Variants in SORCS1 observed in about 807,000 individuals in gnomAD.
The protein encoded by SORCS1 is VPS10 domain-containing receptor SorCS1.
A neutral mutation model predicts 146.1 loss-of-function variants in SORCS1; 60 were observed. The observed-to-expected ratio is 0.41, with a 90% confidence interval of 0.33 to 0.51. The LOEUF (loss-of-function observed/expected upper bound fraction) is 0.51, where lower values mean the gene tolerates loss of function less well. Among genes scored for constraint, SORCS1 ranks in the 20% least tolerant of loss-of-function variants. The pLI is 0.21. For synonymous variants in SORCS1, 637 were observed against 584.0 expected (o/e 1.09, Z -1.31); for missense variants, 1,352 against 1,487.6 (o/e 0.91, Z 1.50).
intron 1 of SORCS1, among the ~76,000 whole-genome samples, chr10:106,972,443 T>C (rs1955827205): frequency 6.6e-6 from 1 of 152,060 alleles, no homozygotes; most frequent in Non-Finnish European, 1.5e-5. Context: ...ATTGACTTTA[T>C]TTTTGATTTG....
intron 1 of SORCS1, among the ~76,000 whole-genome samples, chr10:107,027,926 C>A (rs1958479754): frequency 6.6e-6 from 1 of 152,200 alleles, no homozygotes; most frequent in South Asian, 2.1e-4. Flanking sequence ...ATTCACAGTT[C>A]TCTACCTGGT....
At chr10:106,690,342 G>T (rs571816664) in intron 9 of SORCS1, among the ~76,000 whole-genome samples, 1 of 152,318 alleles carries the variant, frequency 6.6e-6, no homozygotes, top group African/African-American at 2.4e-5. Flanking sequence ...AATGACAAAT[G>T]ACCATGTCTT....
intron 1 of SORCS1, among the ~76,000 whole-genome samples, chr10:106,976,855 T>C (rs1956047700): frequency 6.6e-6 from 1 of 152,186 alleles, no homozygotes; most frequent in South Asian, 2.1e-4. Context: ...TGTGTCCCTG[T>C]AAAGGACATG....
At chr10:107,057,800 G>C (rs1457185496) in intron 1 of SORCS1, among the ~76,000 whole-genome samples, 1 of 152,086 alleles carries the variant, frequency 6.6e-6, no homozygotes, top group Non-Finnish European at 1.5e-5. Context: ...ATATGTCCAC[G>C]GACCTTGTGT....
intron 1 of SORCS1, among the ~76,000 whole-genome samples, chr10:107,059,925 C>T (rs1380907432): frequency 4.0e-5 from 6 of 150,328 alleles, no homozygotes; most frequent in Non-Finnish European, 8.9e-5. Flanking sequence ...TGAGAGTAGA[C>T]GTTCTACTAA....
At chr10:107,058,285 C>T (rs1292823138) in intron 1 of SORCS1, among the ~76,000 whole-genome samples, 1 of 152,152 alleles carries the variant, frequency 6.6e-6, no homozygotes, top group Non-Finnish European at 1.5e-5. Flanking sequence ...TCGTGATCCG[C>T]CTGCCTCGGC....
intron 1 of SORCS1, among the ~76,000 whole-genome samples, chr10:107,065,447 C>CTTTCTTTT (rs1554937440): frequency 2.4e-5 from 3 of 122,762 alleles, no homozygotes; most frequent in Non-Finnish European, 3.6e-5. Context: ...TTCTTTCTTT[C>CTTTCTTTT]TTTTCTCTCT....
At chr10:106,707,562 A>T (rs570938118) in intron 7 of SORCS1, among the ~76,000 whole-genome samples, 1 of 152,284 alleles carries the variant, frequency 6.6e-6, no homozygotes, top group East Asian at 1.9e-4. Context: ...GTGCAGTGGC[A>T]CAATCATAGC....
Position 107,060,971 on chromosome 10 carries a change from T to A in SORCS1, c.558+102998A>T, listed in dbSNP as rs1770111867. Among the ~76,000 whole-genome samples the A allele has an allele frequency of 1.3e-5, 2 of 152,172 alleles. 1 individual carries two copies. The highest frequency in any genetic ancestry group is 4.1e-4 in the South Asian group (2 of 4,834). On this transcript the variant is annotated intron_variant, in intron 1 of 25. Transcript: ENST00000263054. The surrounding 1 kb of genome is among the most constrained non-coding windows in gnomAD (Gnocchi z 4.1). ...TCTCTTTCCAAGTTAAATAAAAAAATTTATCTTCTGTTTCTACTCCAGCCA... is the reference window on the plus strand; with the variant it reads ...TCTCTTTCCAAGTTAAATAAAAAAAATTATCTTCTGTTTCTACTCCAGCCA...
chr10:106,973,617 T>C (rs991988512), intron 1 of SORCS1, among the ~76,000 whole-genome samples: 2 of 151,952 alleles, frequency 1.3e-5, no homozygotes, highest in East Asian at 3.9e-4. Context: ...CTGGCGGCTC[T>C]AGAAAAAAAA....
At chr10:106,984,538 T>C (rs1956380509) in intron 1 of SORCS1, among the ~76,000 whole-genome samples, 1 of 151,540 alleles carries the variant, frequency 6.6e-6, no homozygotes, top group Non-Finnish European at 1.5e-5. Context: ...GGACTACAGG[T>C]GCCCTCCACC....
At chr10:107,065,451 T>TTTCTTTCTTTCTTTCTTTCTTTC (rs1961703292) in intron 1 of SORCS1, among the ~76,000 whole-genome samples, 3 of 60,920 alleles carry the variant, frequency 4.9e-5, no homozygotes, top group African/African-American at 2.4e-4. Flanking sequence ...TTCTTTCTTT[T>TTTCTTTCTTTCTTTCTTTCTTTC]CTCTCTTTCT....
Position 106,679,325 on chromosome 10 carries a change from T to C in SORCS1, c.1671A>G (p.Ile557Met). Reference sequence around the variant, plus strand: ...TGTCAGTGTCTGACAATTCAGAACCTATATTACCTAGAAAGAGAAAGGTGC... The same window carrying C: ...TGTCAGTGTCTGACAATTCAGAACCCATATTACCTAGAAAGAGAAAGGTGC... ...APSIIVASGNIGSELSDTDIS... is the reference protein window; with the variant it reads ...APSIIVASGNMGSELSDTDIS... The change falls in exon 12 of 26, where the codon ATA becomes ATG. Residue 557 changes from isoleucine (I) to methionine (M), a missense_variant. Coordinates refer to ENST00000263054, the MANE Select transcript of SORCS1 (RefSeq NM_052918.5). 1 of 1,611,774 alleles carries C rather than the reference T, an allele frequency of 6.2e-7. No homozygotes were observed. Among genetic ancestry groups the C allele is most frequent in the South Asian group, 1.1e-5 (1 of 90,740 alleles).
intron 6 of SORCS1, among the ~76,000 whole-genome samples, chr10:106,716,617 T>C (rs531390125): frequency 2.0e-5 from 3 of 152,234 alleles, no homozygotes; most frequent in Non-Finnish European, 4.4e-5. Flanking sequence ...TTCAGAGTTC[T>C]GCTGGCTTGA....
intron 2 of SORCS1, among the ~76,000 whole-genome samples, chr10:106,861,176 T>A (rs957438182): frequency 6.6e-6 from 1 of 152,070 alleles, no homozygotes; most frequent in Non-Finnish European, 1.5e-5. Flanking sequence ...GGCAGGCAGA[T>A]TGCCTGAGCT....
intron 18 of SORCS1, among the ~76,000 whole-genome samples, chr10:106,642,545 G>C (rs1408184897): frequency 6.6e-6 from 1 of 152,180 alleles, no homozygotes; most frequent in Admixed American, 6.5e-5. Flanking sequence ...TATGGATTTT[G>C]AGGAGAATAA....
At chr10:106,686,397 C>G (rs1260074217) in intron 10 of SORCS1, among the ~76,000 whole-genome samples, 1 of 152,088 alleles carries the variant, frequency 6.6e-6, no homozygotes, top group African/African-American at 2.4e-5. Flanking sequence ...CCAGGCAAGC[C>G]CATTTAGGTG....
chr10:107,015,851 T>C (rs948511390), intron 1 of SORCS1, among the ~76,000 whole-genome samples: 1 of 152,204 alleles, frequency 6.6e-6, no homozygotes, highest in African/African-American at 2.4e-5. Flanking sequence ...AAATAGACTA[T>C]TAATATAAGA....
intron 1 of SORCS1, among the ~76,000 whole-genome samples, chr10:106,993,390 A>C (rs1420303048): frequency 6.6e-6 from 1 of 152,216 alleles, no homozygotes; most frequent in Non-Finnish European, 1.5e-5. Context: ...CTCTCAAAGC[A>C]TCCCTGCTAC....
Sources: gnomAD v4.1 joint callset for allele counts (sites outside exome capture counted in the v4.1 genomes callset) on GRCh38, gnomAD v4.1.1 for gene constraint, Gnocchi (gnomAD v3.1) non-coding constraint, MANE v1.5 for transcripts, NCBI Gene and HGNC (gene_info 2026-07-23, HGNC 2026-07-21) for gene names.